ITGA11: variants seen among roughly 807,000 people sequenced by gnomAD.
ITGA11 encodes the protein integrin alpha-11.
ITGA11 carries 97 observed loss-of-function variants against 141.9 expected under a neutral mutation model. That is an observed-to-expected ratio of 0.68 (90% CI 0.58 to 0.81). The LOEUF (loss-of-function observed/expected upper bound fraction) is 0.81, where lower values mean the gene tolerates loss of function less well. ITGA11 is among the 30% of genes least tolerant of loss of function. The pLI, the probability that ITGA11 is intolerant of heterozygous loss-of-function variation, is 0.00. For synonymous variants in ITGA11, 658 were observed against 624.6 expected (o/e 1.05, Z -0.80); for missense variants, 1,387 against 1,559.2 (o/e 0.89, Z 1.86).
At chr15:68,320,537 A>T (rs1257906404) in intron 19 of ITGA11, 145 bp from the exon 20 acceptor site, 2 of 639,216 alleles carry the variant, frequency 3.1e-6, no homozygotes, top group Non-Finnish European at 5.4e-6. Flanking sequence ...GGAGAGTGGA[A>T]ATGGATGGCA....
At chr15:68,397,022 TAATATATAA>T (rs1200139419) in intron 2 of ITGA11, among the ~76,000 whole-genome samples, 28 of 29,966 alleles carry the variant, frequency 9.3e-4, no homozygotes, top group Non-Finnish European at 1.1e-3. Context: ...ACTTATTATA[TAATATATAA>T]ATTATTTATT....
In ITGA11 at chr15:68,335,588, G is replaced by GCA. The variant is rs1894321724; in HGVS notation, c.1425+108_1425+109insTG. ...TGAAGGTGGCTGGAGGAACATGACT[G>GCA]CCCTTTGGGGCACCCAGTGGTCCAG... On this transcript the variant is annotated intron_variant, in intron 12 of 29. Coordinates refer to ENST00000315757, the MANE Select transcript of ITGA11 (RefSeq NM_001004439.2). This position sits in a 1 kb window ranked among gnomAD's most constrained non-coding sequence, Gnocchi z 4.9. 3.1e-6 allele frequency: 4 copies of GCA among 1,274,928 alleles called. No individual in the cohort carries two copies. In the African/African-American group the frequency reaches 5.9e-5, roughly 19 times the overall value. 79.0% of individuals were successfully genotyped at this position (1,274,928 alleles called of 1,614,324 possible).
intron 2 of ITGA11, among the ~76,000 whole-genome samples, chr15:68,379,711 T>G (rs891802410): frequency 1.3e-5 from 2 of 152,228 alleles, no homozygotes; most frequent in Non-Finnish European, 2.9e-5. Context: ...CCCATCTCTT[T>G]GCAAGATGCC....
intron 12 of ITGA11, among the ~76,000 whole-genome samples, chr15:68,332,778 T>C (rs1894218575): frequency 1.3e-5 from 2 of 152,172 alleles, no homozygotes; most frequent in Admixed American, 6.5e-5. Flanking sequence ...AGTGATATAA[T>C]GGCAAAAAAT....
In ITGA11 at chr15:68,324,921, C is replaced by T. The variant is rs1175809547; in HGVS notation, c.2322+210G>A. ...GAACAGGAGAAGGCCTGGGCCTTGC[C>T]CTTAAGGAATTGATCTGCTAACACT... On this transcript the variant is annotated intron_variant, in intron 18 of 29. Transcript: ENST00000315757. The surrounding 1 kb of genome is among the most constrained non-coding windows in gnomAD (Gnocchi z 6.3). Among the ~76,000 whole-genome samples, 1 of 152,154 alleles carries T rather than the reference C, an allele frequency of 6.6e-6. No homozygotes were observed. Among genetic ancestry groups the T allele is most frequent in the East Asian group, 1.9e-4 (1 of 5,180 alleles).
rs776454198 is a variant in ITGA11, at chr15:68,357,208, T to A, written c.692A>T (p.His231Leu). The stretch of plus-strand genomic sequence containing the variant: ...CTCTGTTCCTCCTCTCTGCTCAATG[T>A]GGCTGGCAGCTTCCACCACATCTTT... ...SVKDVVEAASHIEQRGGTETR... is the reference protein window; with the variant it reads ...SVKDVVEAASLIEQRGGTETR... Residue 231 changes from histidine (H) to leucine (L), a missense_variant, in exon 7 of 30, where the codon CAC becomes CTC. His to Leu is a moderately conservative substitution (Grantham distance 99, BLOSUM62 -3). Coordinates refer to ENST00000315757, the MANE Select transcript of ITGA11 (RefSeq NM_001004439.2). 3 of 1,614,002 alleles carry A rather than the reference T, an allele frequency of 1.9e-6. No individual in the cohort carries two copies. The South Asian group carries it at 3.3e-5, about 18-fold the overall frequency.
At chr15:68,393,013 C>T (rs888495408) in intron 2 of ITGA11, among the ~76,000 whole-genome samples, 3 of 152,068 alleles carry the variant, frequency 2.0e-5, no homozygotes, top group African/African-American at 2.4e-5. Flanking sequence ...GGGATCAAGA[C>T]AGATTATTGT....
chr15:68,400,713 T>C (rs1267691735), intron 2 of ITGA11, among the ~76,000 whole-genome samples: 1 of 26,442 alleles, frequency 3.8e-5, no homozygotes, highest in East Asian at 4.8e-3. Flanking sequence ...TAATAAATAT[T>C]ATATATTATA....
chr15:68,404,148 C>G (rs995099837), intron 1 of ITGA11, among the ~76,000 whole-genome samples: 6 of 152,056 alleles, frequency 3.9e-5, no homozygotes, highest in Non-Finnish European at 7.4e-5. Flanking sequence ...TCTCTTCCCT[C>G]CTCCTCCCTT....
At chr15:68,365,168 G>A in intron 3 of ITGA11, 9 of 985,412 alleles carry the variant, frequency 9.1e-6, no homozygotes, top group Non-Finnish European at 1.1e-5. Flanking sequence ...CCTTTGTGCA[G>A]TATCCCCGCT....
chr15:68,375,553 G>A lies in ITGA11; in HGVS notation c.165-6269C>T, dbSNP rs73431876. Among the ~76,000 whole-genome samples, 261 of 152,286 alleles carry A rather than the reference G, an allele frequency of 1.7e-3. 1 individual carries two copies. The highest frequency in any genetic ancestry group is 6.1e-3 in the African/African-American group (254 of 41,564). ...ATCTGGCCCAGGACCTGCCCAAGGG[G>A]AGAAGTTGGCACCTGCAGGTCTTCC... On this transcript the variant is annotated intron_variant, in intron 2 of 29. Coordinates refer to ENST00000315757, the MANE Select transcript of ITGA11 (RefSeq NM_001004439.2).
In ITGA11 at chr15:68,368,586, TC is replaced by T. The variant is rs1895497151; in HGVS notation, c.265+597del. Among the ~76,000 whole-genome samples, 5 of 152,342 alleles carry T rather than the reference TC, an allele frequency of 3.3e-5. No individual in the cohort carries two copies. In the South Asian group the frequency reaches 1.0e-3, roughly 32 times the overall value. On this transcript the variant is annotated intron_variant, in intron 3 of 29. Coordinates refer to ENST00000315757, the MANE Select transcript of ITGA11 (RefSeq NM_001004439.2). Reference sequence around the variant, plus strand: ...TCTTTGGCGAGGAAAAGCTTGCATTTCCGAAGGGCAGTGCTGCATGGTGGTT... The same window carrying T: ...TCTTTGGCGAGGAAAAGCTTGCATTTCGAAGGGCAGTGCTGCATGGTGGTT...
intron 25 of ITGA11, 46 bp from the exon 26 acceptor site, chr15:68,311,126 C>A: frequency 2.0e-6 from 3 of 1,477,144 alleles, no homozygotes; most frequent in Non-Finnish European, 2.8e-6. Context: ...AGCCTCACAA[C>A]CAGCTCTGGC....
chr15:68,389,144 G>A (rs1305025220), intron 2 of ITGA11, among the ~76,000 whole-genome samples: 1 of 152,132 alleles, frequency 6.6e-6, no homozygotes, highest in African/African-American at 2.4e-5. Flanking sequence ...CCACCTGGAA[G>A]CCTCCTCCTT....
At chr15:68,332,541 C>G in intron 12 of ITGA11, 63 bp from the exon 13 acceptor site, 1 of 1,550,258 alleles carries the variant, frequency 6.5e-7, no homozygotes, top group Non-Finnish European at 8.7e-7. Context: ...CCAGAGCCCT[C>G]GCCTCGCGGG....
chr15:68,402,064 G>T (rs1385646977), intron 2 of ITGA11, among the ~76,000 whole-genome samples: 1 of 150,356 alleles, frequency 6.7e-6, no homozygotes, highest in African/African-American at 2.4e-5. Flanking sequence ...ACAAGAAGGG[G>T]GAGAGGTTGG....
At chr15:68,315,195 C>T (rs1437010346) in intron 22 of ITGA11, among the ~76,000 whole-genome samples, 1 of 152,180 alleles carries the variant, frequency 6.6e-6, no homozygotes, top group African/African-American at 2.4e-5. Flanking sequence ...CAGCTTCCAG[C>T]TGCACAATTT....
At chr15:68,329,125 G>C (rs1222131953) in intron 15 of ITGA11, among the ~76,000 whole-genome samples, 3 of 152,220 alleles carry the variant, frequency 2.0e-5, no homozygotes, top group Non-Finnish European at 4.4e-5. Flanking sequence ...ACTGTAGCGT[G>C]AAAGAGTGGA....
At chr15:68,400,410 T>G (rs1343273743) in intron 2 of ITGA11, among the ~76,000 whole-genome samples, 2 of 149,658 alleles carry the variant, frequency 1.3e-5, no homozygotes, top group Non-Finnish European at 3.0e-5. Context: ...TAAAAAATAT[T>G]GATAAATTAG....
Sources: gnomAD v4.1 joint callset for allele counts (sites outside exome capture counted in the v4.1 genomes callset) on GRCh38, gnomAD v4.1.1 for gene constraint, Gnocchi (gnomAD v3.1) non-coding constraint, MANE v1.5 for transcripts, NCBI Gene and HGNC (gene_info 2026-07-23, HGNC 2026-07-21) for gene names.